PRKDC: variants seen among roughly 807,000 people sequenced by gnomAD.
PRKDC encodes the protein DNA-dependent protein kinase catalytic subunit.
In PRKDC, 82 loss-of-function variants were observed where a neutral mutation model predicts 486.9. The ratio of observed to expected loss-of-function variants is 0.17; its 90% CI spans 0.14 to 0.20. The LOEUF (loss-of-function observed/expected upper bound fraction) is 0.20, where lower values mean the gene tolerates loss of function less well. PRKDC is among the 10% of genes least tolerant of loss of function. The probability of loss-of-function intolerance (pLI) is 1.00; values close to 1 mark genes in which losing one functional copy is unlikely to be tolerated. For synonymous variants in PRKDC, 1,895 were observed against 1,837.0 expected (o/e 1.03, Z -0.81); for missense variants, 4,504 against 5,038.2 (o/e 0.89, Z 3.21).
chr8:47,792,863 T>C (rs1455406298), intron 74 of PRKDC, among the ~76,000 whole-genome samples: 1 of 152,198 alleles, frequency 6.6e-6, no homozygotes, highest in East Asian at 1.9e-4. Flanking sequence ...TGAAGTTACA[T>C]TATGAAAGAA....
chr8:47,869,365 T>C (rs2088893027), intron 40 of PRKDC, among the ~76,000 whole-genome samples: 1 of 151,872 alleles, frequency 6.6e-6, no homozygotes. Flanking sequence ...GGGAGAATCC[T>C]GAGTCCCTCA....
intron 25 of PRKDC, among the ~76,000 whole-genome samples, chr8:47,907,407 T>C (rs1216537783): frequency 6.7e-6 from 1 of 149,804 alleles, no homozygotes; most frequent in Non-Finnish European, 1.5e-5. Context: ...TATATATATA[T>C]ATATACACAC....
At position 47,889,128 on chromosome 8, in the gene PRKDC, A is replaced by G. The variant is rs764041177; in HGVS notation, c.4166T>C (p.Val1389Ala). Residue 1389 changes from valine to alanine, a missense_variant, in exon 33 of 86, where the codon GTC becomes GCC. By Grantham distance (64) the Val-to-Ala change is moderately conservative. Around this residue, in one of 6 missense-constraint regions of PRKDC, gnomAD observed 1,969 missense variants for 2,068.9 expected, o/e 0.95. Coordinates refer to ENST00000314191, the MANE Select transcript of PRKDC (RefSeq NM_006904.7). ...PASIGFNIGD[V>A]QVMAHLPDVC... ...ATCAGGAAGATGAGCCATAACCTGG[A>G]CGTCTCCGATGTTGAAACCTATGCT... The G allele has an allele frequency of 6.2e-7, 1 of 1,613,980 alleles. No individual in the cohort carries two copies. The highest frequency in any genetic ancestry group is 8.5e-7 in the Non-Finnish European group (1 of 1,179,888).
intron 69 of PRKDC, among the ~76,000 whole-genome samples, chr8:47,805,693 C>T (rs985304873): frequency 6.6e-6 from 1 of 152,246 alleles, no homozygotes; most frequent in South Asian, 2.1e-4. Context: ...TTTAAATCTA[C>T]ACCTCTAATT....
At chr8:47,837,485 A>AG in intron 56 of PRKDC, 66 bp from the exon 57 acceptor site, 1 of 1,316,028 alleles carries the variant, frequency 7.6e-7, no homozygotes, top group East Asian at 2.4e-5. Context: ...TGTGCTGTAC[A>AG]GGGTGTCCTG....
intron 36 of PRKDC, among the ~76,000 whole-genome samples, chr8:47,884,838 TA>T (rs1336506928): frequency 1.3e-5 from 2 of 152,006 alleles, no homozygotes; most frequent in Non-Finnish European, 2.9e-5. Context: ...AAGTCAACTA[TA>T]TATTAAATAC....
chr8:47,816,178 C>T (rs1029086580), intron 68 of PRKDC, among the ~76,000 whole-genome samples: 2 of 151,410 alleles, frequency 1.3e-5, no homozygotes, highest in Non-Finnish European at 2.9e-5. Context: ...TGTGCCACCG[C>T]ACTCCAGCCT....
At chr8:47,853,335 G>A (rs930455549) in intron 51 of PRKDC, among the ~76,000 whole-genome samples, 5 of 152,222 alleles carry the variant, frequency 3.3e-5, no homozygotes, top group African/African-American at 1.2e-4. Flanking sequence ...CCTCAGCCCT[G>A]AGGTCATGTG....
At chr8:47,930,545 T>C in intron 17 of PRKDC, 127 bp downstream of exon 17, 1 of 893,898 alleles carries the variant, frequency 1.1e-6, no homozygotes, top group Non-Finnish European at 1.7e-6. Context: ...GTGCTGGGAT[T>C]ACAGGCGTGA....
chr8:47,858,761 T>C lies in PRKDC; in HGVS notation c.6345+88A>G. On this transcript the variant is annotated intron_variant, in intron 47 of 85. Coordinates refer to ENST00000314191, the MANE Select transcript of PRKDC (RefSeq NM_006904.7). Reference sequence around the variant, plus strand: ...AAAATCACATTTATTTGATAAGCAGTTTGGTTTTGTTTTCAATATTAAATG... The same window carrying C: ...AAAATCACATTTATTTGATAAGCAGCTTGGTTTTGTTTTCAATATTAAATG... 3.3e-6 allele frequency: 5 copies of C among 1,498,324 alleles called. No homozygotes were observed. The South Asian group carries it at 6.8e-5, about 20-fold the overall frequency. 92.8% of individuals were successfully genotyped at this position (1,498,324 alleles called of 1,614,324 possible). A position where few individuals can be genotyped will look rare whatever the true frequency, so the allele number is the denominator to read the frequency against.
At chr8:47,849,746 T>A (rs1249099632) in intron 52 of PRKDC, among the ~76,000 whole-genome samples, 2 of 152,356 alleles carry the variant, frequency 1.3e-5, no homozygotes, top group African/African-American at 4.8e-5. Flanking sequence ...ATCACTGTGC[T>A]CTGTGCTGAG....
intron 54 of PRKDC, among the ~76,000 whole-genome samples, chr8:47,845,001 G>A (rs2088235461): frequency 6.6e-6 from 1 of 152,154 alleles, no homozygotes; most frequent in South Asian, 2.1e-4. Flanking sequence ...GATCATTTGA[G>A]GTCAGGAGTT....
chr8:47,857,833 A>G (rs2088579794), intron 48 of PRKDC, among the ~76,000 whole-genome samples: 1 of 152,168 alleles, frequency 6.6e-6, no homozygotes, highest in Non-Finnish European at 1.5e-5. Context: ...ATGACCTTCT[A>G]CGGAGCCAAG....
Position 47,877,729 on chromosome 8 carries a change from G to C in PRKDC, c.5358C>G (p.Ala1786=). ...ELFQSSFRRI[A]RRGSCVTQVG... ...CCCAGGCCAGAATGACTTACCTTCT[G>C]GCAATCCTCCTGAAACTGGATTGAA... The change falls in exon 40 of 86, where the codon GCC becomes GCG. Residue 1786 remains alanine, a synonymous_variant. Transcript: ENST00000314191. The C allele has an allele frequency of 6.3e-7, 1 of 1,582,714 alleles. No homozygotes were observed.
intron 59 of PRKDC, among the ~76,000 whole-genome samples, chr8:47,832,395 T>G (rs1164038549): frequency 3.3e-5 from 5 of 152,100 alleles, no homozygotes; most frequent in Non-Finnish European, 7.4e-5. Flanking sequence ...CACGACAGGT[T>G]CTAAGGAAAG....
chr8:47,777,171 A>G (rs565498751), intron 84 of PRKDC, among the ~76,000 whole-genome samples, 188 bp from the exon 85 acceptor site: 1 of 152,212 alleles, frequency 6.6e-6, no homozygotes, highest in East Asian at 1.9e-4. Context: ...GAGGGGCCTC[A>G]GCAGTCCCCT....
At chr8:47,846,415 CAAAAAAAAAAA>C (rs200554979) in intron 54 of PRKDC, among the ~76,000 whole-genome samples, 3 of 59,708 alleles carry the variant, frequency 5.0e-5, no homozygotes, top group Non-Finnish European at 1.1e-4. Context: ...GACTCTGCCT[CAAAAAAAAAAA>C]AAAAAGAAAA....
chr8:47,837,075 G>C (rs1424982068), intron 57 of PRKDC, 137 bp downstream of exon 57: 1 of 969,016 alleles, frequency 1.0e-6, no homozygotes, highest in Non-Finnish European at 1.5e-6. Context: ...CTGAAGCAGA[G>C]GCACGAGCCT....
At chr8:47,937,092 TAAAAAAA>T (rs1258352052) in intron 11 of PRKDC, among the ~76,000 whole-genome samples, 1 of 119,860 alleles carries the variant, frequency 8.3e-6, no homozygotes. Flanking sequence ...CGTCTCTACT[TAAAAAAA>T]AAAAAAAAAA....
Sources: allele counts gnomAD v4.1 joint callset (sites outside exome capture counted in the v4.1 genomes callset), GRCh38; gene constraint gnomAD v4.1.1; regional missense constraint gnomAD v4.1.1; transcripts MANE v1.5; gene names NCBI Gene and HGNC (gene_info 2026-07-23, HGNC 2026-07-21).